The following DGAT1 variants were observed in gnomAD, a reference collection of about 807,000 sequenced individuals.
The protein encoded by DGAT1 is diacylglycerol O-acyltransferase 1.
A neutral mutation model predicts 72.6 loss-of-function variants in DGAT1; 60 were observed. The observed-to-expected ratio is 0.83, with a 90% CI of 0.67 to 1.02. The LOEUF (loss-of-function observed/expected upper bound fraction) is 1.02, where lower values mean the gene tolerates loss of function less well. DGAT1 is among the 50% of genes least tolerant of loss of function. The pLI is 0.00. For synonymous variants in DGAT1, 290 were observed against 267.5 expected (o/e 1.08, Z -0.82); for missense variants, 592 against 670.0 (o/e 0.88, Z 1.29).
Position 144,316,910 on chromosome 8 carries a change from C to G in DGAT1, c.1254G>C (p.Leu418=), listed in dbSNP as rs936786241. Residue 418 remains leucine (L), a synonymous_variant, in exon 16 of 17, where the codon CTG becomes CTC. Transcript: ENST00000528718. ...GGAACATTCGCAGAGGGACGCTCAC[C>G]AGGTACTGAGATGGGAGGGAGAGAG... The part of the protein sequence containing the change: ...FLASAFFHEY[L]VSVPLRMFRL... 1.2e-6 allele frequency: 2 copies of G among 1,612,444 alleles called. No homozygotes were observed. The highest frequency in any genetic ancestry group is 1.7e-6 in the Non-Finnish European group (2 of 1,179,734).
intron 2 of DGAT1, 25 bp downstream of exon 2, chr8:144,321,296 G>A (rs781850467): frequency 1.4e-5 from 22 of 1,609,848 alleles, no homozygotes; most frequent in East Asian, 4.5e-5. Flanking sequence ...ACCTAGACCC[G>A]CTCCCGACAC....
In DGAT1 at chr8:144,315,950, C is replaced by A. The variant is rs573759642; in HGVS notation, c.*604G>T. On this transcript the variant is annotated 3_prime_UTR_variant, in exon 17 of 17. Transcript: ENST00000528718. ...GGGCCATCCTGGCTGGAGCCCACTT[C>A]CCGCAAACCCAGGGCCGACCTCTTC... 20 of 986,480 alleles carry A rather than the reference C, an allele frequency of 2.0e-5. No homozygotes were observed. Among genetic ancestry groups the A allele is most frequent in the Non-Finnish European group, 2.4e-5 (20 of 830,842 alleles). 61.1% of individuals were successfully genotyped at this position (986,480 alleles called of 1,614,324 possible). A position where few individuals can be genotyped will look rare whatever the true frequency, so the allele number is the denominator to read the frequency against.
chr8:144,322,417 T>G (rs1817483831), intron 1 of DGAT1, among the ~76,000 whole-genome samples: 1 of 152,290 alleles, frequency 6.6e-6, no homozygotes, highest in South Asian at 2.1e-4. Flanking sequence ...CACACGCACA[T>G]CTGCCCCTCA....
Position 144,315,994 on chromosome 8 carries a change from C to T in DGAT1, c.*560G>A, listed in dbSNP as rs1817198842. 6 of 963,562 alleles carry T rather than the reference C, an allele frequency of 6.2e-6. No individual in the cohort carries two copies. Among genetic ancestry groups the T allele is most frequent in the Admixed American group, 6.1e-5 (1 of 16,420 alleles). The allele number at this position is 963,562 out of a possible 1,614,324, so 59.7% of individuals were successfully genotyped here. ...CCTCTTCCCAAGCTGAAGCTGAGCA[C>T]GGTGGGTGCAAGTTGACCATCCTGC... On this transcript the variant is annotated 3_prime_UTR_variant, in exon 17 of 17. Coordinates refer to ENST00000528718, the MANE Select transcript of DGAT1 (RefSeq NM_012079.6).
Position 144,315,824 on chromosome 8 carries a change from C to A in DGAT1, c.*730G>T. On this transcript the variant is annotated 3_prime_UTR_variant, in exon 17 of 17. Coordinates refer to ENST00000528718, the MANE Select transcript of DGAT1 (RefSeq NM_012079.6). ...GAAGGAAAGAGGCTGCCAAACCGAG[C>A]CCTGCCCCAAGGCGAATAGCCATGG... 1.0e-6 allele frequency: 1 copy of A among 983,308 alleles called. No homozygotes were observed. Among genetic ancestry groups the A allele is most frequent in the Non-Finnish European group, 1.2e-6 (1 of 827,962 alleles). The allele number at this position is 983,308 out of a possible 1,614,324, so 60.9% of individuals were successfully genotyped here.
At position 144,317,133 on chromosome 8, in the gene DGAT1, G is replaced by C. The variant is rs1554847212; in HGVS notation, c.1161-24C>G. The C allele has an allele frequency of 3.1e-6, 5 of 1,612,744 alleles. No homozygotes were observed. The East Asian group carries it at 6.7e-5, about 22-fold the overall frequency. On this transcript the variant is annotated intron_variant, in intron 14 of 16. Coordinates refer to ENST00000528718, the MANE Select transcript of DGAT1 (RefSeq NM_012079.6). ...GTCTGCAGAGGAGGGGGCATGGAAA[G>C]CGGTTCAGGTTCACAGCCATGTTCC...
intron 2 of DGAT1, among the ~76,000 whole-genome samples, chr8:144,321,063 C>T (rs1226603661): frequency 2.0e-5 from 3 of 152,208 alleles, no homozygotes; most frequent in Non-Finnish European, 4.4e-5. Context: ...CAGGGCTCTC[C>T]TGGGATCCAA....
At position 144,316,513 on chromosome 8, in the gene DGAT1, G is replaced by A. The variant is rs1554846996; in HGVS notation, c.*41C>T. 1.3e-6 allele frequency: 2 copies of A among 1,544,628 alleles called. No individual in the cohort carries two copies. Among genetic ancestry groups the A allele is most frequent in the Non-Finnish European group, 1.7e-6 (2 of 1,143,018 alleles). On this transcript the variant is annotated 3_prime_UTR_variant, in exon 17 of 17. Transcript: ENST00000528718. ...GGAGGAGAGGTGGGCTCTGGCAGCG[G>A]GTGTGAGGTGGCAGTGAGAAGCCAG...
rs1554848863 is a variant in DGAT1, at chr8:144,326,676, G to A, written c.-40C>T. 4.3e-6 allele frequency: 5 copies of A among 1,159,460 alleles called. No individual in the cohort carries two copies. Among genetic ancestry groups the A allele is most frequent in the Admixed American group, 4.7e-5 (1 of 21,200 alleles). The allele number at this position is 1,159,460 out of a possible 1,614,324, so 71.8% of individuals were successfully genotyped here. On this transcript the variant is annotated 5_prime_UTR_variant, in exon 1 of 17. Coordinates refer to ENST00000528718, the MANE Select transcript of DGAT1 (RefSeq NM_012079.6). ...CCCGGCCGCAGCCAAGCGTGGGCCC[G>A]CCGGGTTCGTAGCGCCCGAGGCGCG...
rs1372392453 is a variant in DGAT1 at position 144,326,642 on chromosome 8, C to T, written c.-6G>A. 60 of 1,194,550 alleles carry T rather than the reference C, an allele frequency of 5.0e-5. No individual in the cohort carries two copies. The East Asian group carries it at 2.3e-3, about 47-fold the overall frequency. 74.0% of individuals were successfully genotyped at this position (1,194,550 alleles called of 1,614,324 possible). A position where few individuals can be genotyped will look rare whatever the true frequency, so the allele number is the denominator to read the frequency against. ...GAGCTGCCGCGGTCGCCCATGGCCT[C>T]AGCCCGCACCCGGCCGCAGCCAAGC... On this transcript the variant is annotated 5_prime_UTR_variant, in exon 1 of 17. Coordinates refer to ENST00000528718, the MANE Select transcript of DGAT1 (RefSeq NM_012079.6).
intron 2 of DGAT1, among the ~76,000 whole-genome samples, chr8:144,319,359 T>C (rs1665977138): frequency 6.6e-6 from 1 of 152,032 alleles, no homozygotes. Flanking sequence ...GACGCCTGGG[T>C]CTTCAGGAGC....
Position 144,315,538 on chromosome 8 carries a change from C to A in DGAT1, c.*1016G>T, listed in dbSNP as rs1817171837. 4 of 985,440 alleles carry A rather than the reference C, an allele frequency of 4.1e-6. No homozygotes were observed. Among genetic ancestry groups the A allele is most frequent in the Non-Finnish European group, 4.8e-6 (4 of 830,020 alleles). 61.0% of individuals were successfully genotyped at this position (985,440 alleles called of 1,614,324 possible). A position where few individuals can be genotyped will look rare whatever the true frequency, so the allele number is the denominator to read the frequency against. ...TGGGGTCTTTAATCAAGCAGTCACCCCAGCAAGGTAAGGCAGCAGCAGGGC... is the reference window on the plus strand; with the variant it reads ...TGGGGTCTTTAATCAAGCAGTCACCACAGCAAGGTAAGGCAGCAGCAGGGC... On this transcript the variant is annotated 3_prime_UTR_variant, in exon 17 of 17. Transcript: ENST00000528718.
chr8:144,318,066 C>T (rs1817307611), intron 8 of DGAT1, 29 bp downstream of exon 8: 3 of 1,520,454 alleles, frequency 2.0e-6, no homozygotes, highest in Non-Finnish European at 2.6e-6. Flanking sequence ...AGCCTGTCCC[C>T]CGCACCTCAG....
rs1426490630 is a variant in DGAT1 at position 144,317,327 on chromosome 8, A to T, written c.1094+6T>A. ...CAGCCCCCAGGGACACCCCAGGGAC[A>T]CTCACCACCAGTCCCGGTAGAACTC... is the stretch of plus-strand genomic sequence containing the variant. On this transcript the variant is annotated splice_donor_region_variant and intron_variant, in intron 13 of 16. Coordinates refer to ENST00000528718, the MANE Select transcript of DGAT1 (RefSeq NM_012079.6). 4 of 1,613,282 alleles carry T rather than the reference A, an allele frequency of 2.5e-6. No individual in the cohort carries two copies. In the East Asian group the frequency reaches 8.9e-5, roughly 36 times the overall value.
intron 1 of DGAT1, among the ~76,000 whole-genome samples, chr8:144,323,896 G>A (rs536196652): frequency 2.0e-5 from 3 of 152,374 alleles, no homozygotes; most frequent in African/African-American, 4.8e-5. Flanking sequence ...GCTCACTGCC[G>A]CCTCCTCCAC....
intron 1 of DGAT1, among the ~76,000 whole-genome samples, chr8:144,321,714 C>T (rs1362908141): frequency 2.0e-5 from 3 of 152,252 alleles, no homozygotes; most frequent in African/African-American, 7.2e-5. Flanking sequence ...GCCTCACTCT[C>T]CAGAGGCCTC....
intron 1 of DGAT1, among the ~76,000 whole-genome samples, chr8:144,323,679 C>G (rs1424563463): frequency 6.6e-6 from 1 of 152,238 alleles, no homozygotes; most frequent in Non-Finnish European, 1.5e-5. Flanking sequence ...AGCCTGCCCT[C>G]CCTCCTGCAG....
rs1208560732 is a variant in DGAT1 at position 144,315,636 on chromosome 8, C to T, written c.*918G>A. ...TATCCAGCTTGGTGGATTGCAGGGCCTGGGAACAAGGTGTCCTGAAGGCTG... is the reference window on the plus strand; with the variant it reads ...TATCCAGCTTGGTGGATTGCAGGGCTTGGGAACAAGGTGTCCTGAAGGCTG... On this transcript the variant is annotated 3_prime_UTR_variant, in exon 17 of 17. Transcript: ENST00000528718. 3.0e-6 allele frequency: 3 copies of T among 984,828 alleles called. No individual in the cohort carries two copies. Among genetic ancestry groups the T allele is most frequent in the Non-Finnish European group, 2.4e-6 (2 of 829,460 alleles). 61.0% of individuals were successfully genotyped at this position (984,828 alleles called of 1,614,324 possible).
At chr8:144,316,768 G>A in intron 16 of DGAT1, 59 bp from the exon 17 acceptor site, 1 of 1,599,086 alleles carries the variant, frequency 6.3e-7, no homozygotes, top group Non-Finnish European at 8.5e-7. Flanking sequence ...GGGGCTTCAG[G>A]GTCCCTGGGC....
Sources: gnomAD v4.1 joint callset for allele counts (sites outside exome capture counted in the v4.1 genomes callset) on GRCh38, gnomAD v4.1.1 for gene constraint, MANE v1.5 for transcripts, NCBI Gene and HGNC (gene_info 2026-07-23, HGNC 2026-07-21) for gene names.